The following MICU2 variants were observed in gnomAD, a reference collection of about 807,000 sequenced individuals.
MICU2 encodes calcium uptake protein 2, mitochondrial.
Under a neutral mutation model 60.4 loss-of-function variants are expected in MICU2, and 64 were observed. That is an observed-to-expected ratio of 1.06 (90% CI 0.87 to 1.31). The LOEUF is 1.31. Ranked by LOEUF, MICU2 falls within the 50% of genes most tolerant of loss-of-function variation. MICU2 has a pLI of 0.00. For missense variants in MICU2, 569 were observed against 531.0 expected (o/e 1.07, Z -0.70); for synonymous variants, 201 against 175.0 (o/e 1.15, Z -1.17).
intron 8 of MICU2, among the ~76,000 whole-genome samples, chr13:21,505,523 T>C (rs1348111189): frequency 1.3e-5 from 2 of 152,120 alleles, no homozygotes; most frequent in African/African-American, 4.8e-5. Flanking sequence ...ACACTGTGGT[T>C]TTTACTTAAA....
At chr13:21,563,684 A>C (rs149802491) in intron 2 of MICU2, among the ~76,000 whole-genome samples, 2 of 151,882 alleles carry the variant, frequency 1.3e-5, no homozygotes, top group Non-Finnish European at 2.9e-5. Flanking sequence ...CAGTTTTTGA[A>C]TATTCTGTTT....
intron 1 of MICU2, among the ~76,000 whole-genome samples, chr13:21,582,568 C>T (rs184365993): frequency 1.4e-4 from 22 of 152,224 alleles, no homozygotes; most frequent in African/African-American, 3.4e-4. Flanking sequence ...AGAATATGTA[C>T]GTTCAATTAT....
chr13:21,506,654 T>C (rs1886298354), intron 8 of MICU2, among the ~76,000 whole-genome samples: 1 of 152,210 alleles, frequency 6.6e-6, no homozygotes, highest in Non-Finnish European at 1.5e-5. Flanking sequence ...TTATTGTCAC[T>C]AAAAATTGTA....
At chr13:21,514,279 A>C in intron 7 of MICU2, 74 bp downstream of exon 7, 5 of 1,248,576 alleles carry the variant, frequency 4.0e-6, no homozygotes, top group Non-Finnish European at 4.6e-6. Context: ...ATTGGTAACT[A>C]TCGGGAATAT....
intron 1 of MICU2, among the ~76,000 whole-genome samples, chr13:21,573,367 G>A (rs1888156098): frequency 6.6e-6 from 1 of 151,900 alleles, no homozygotes. Flanking sequence ...TCCGCCTCCT[G>A]GGTTCATGCC....
chr13:21,522,727 C>T (rs1367719243), intron 4 of MICU2, 77 bp from the exon 5 acceptor site: 159 of 1,113,598 alleles, frequency 1.4e-4, no homozygotes, highest in Non-Finnish European at 1.6e-4. Context: ...ATTGAAATTT[C>T]ACCTAATTAA....
chr13:21,501,990 A>T (rs189927839), intron 9 of MICU2, among the ~76,000 whole-genome samples: 237 of 152,336 alleles, frequency 1.6e-3, no homozygotes, highest in Non-Finnish European at 2.2e-3. Context: ...TTGTAACTGC[A>T]GTAAACTTGG....
chr13:21,599,069 T>C (rs945180414), intron 1 of MICU2, among the ~76,000 whole-genome samples: 2 of 152,192 alleles, frequency 1.3e-5, no homozygotes, highest in African/African-American at 4.8e-5. Context: ...TATGAGAATC[T>C]AACTAATGCC....
intron 2 of MICU2, among the ~76,000 whole-genome samples, chr13:21,544,516 G>GAAAAAAAAA (rs10628955): frequency 2.6e-5 from 2 of 77,390 alleles, no homozygotes; most frequent in Admixed American, 1.5e-4. Flanking sequence ...ATAAACACAT[G>GAAAAAAAAA]AAAAAAAAAA....
chr13:21,602,953 A>G, intron 1 of MICU2: 1 of 148,154 alleles, frequency 6.7e-6, no homozygotes, highest in East Asian at 2.0e-4. Flanking sequence ...TTTATCCTGA[A>G]ATAGGGAACT....
At chr13:21,496,015 A>C (rs1885986683) in intron 10 of MICU2, 37 bp downstream of exon 10, 1 of 1,434,050 alleles carries the variant, frequency 7.0e-7, no homozygotes, top group African/African-American at 1.4e-5. Context: ...AACTGTTTAT[A>C]GATGATAAAA....
At chr13:21,508,943 A>G (rs1886361003) in intron 8 of MICU2, among the ~76,000 whole-genome samples, 1 of 152,154 alleles carries the variant, frequency 6.6e-6, no homozygotes, top group African/African-American at 2.4e-5. Context: ...ATGTATTTAA[A>G]TGTTTTTCTG....
chr13:21,522,944 GGT>G (rs929615481), intron 4 of MICU2, among the ~76,000 whole-genome samples: 13 of 152,286 alleles, frequency 8.5e-5, no homozygotes, highest in Non-Finnish European at 1.9e-4. Flanking sequence ...ATCATTTCTG[GGT>G]GTGTCTGTGA....
At chr13:21,543,651 C>A (rs536545807) in intron 2 of MICU2, among the ~76,000 whole-genome samples, 12 of 152,114 alleles carry the variant, frequency 7.9e-5, no homozygotes, top group Middle Eastern at 3.4e-3. Flanking sequence ...AAAACACTGA[C>A]GAAAGAAACC....
chr13:21,587,215 A>C (rs1237137919), intron 1 of MICU2, among the ~76,000 whole-genome samples: 1 of 152,208 alleles, frequency 6.6e-6, no homozygotes, highest in African/African-American at 2.4e-5. Context: ...TCTTTGAGTA[A>C]AATGGGAATC....
intron 7 of MICU2, among the ~76,000 whole-genome samples, chr13:21,514,019 G>A (rs550659342): frequency 6.6e-6 from 1 of 152,124 alleles, no homozygotes; most frequent in South Asian, 2.1e-4. Flanking sequence ...CTGAAGTTAG[G>A]AACATGTAAA....
intron 9 of MICU2, among the ~76,000 whole-genome samples, chr13:21,499,567 C>T (rs754934794): frequency 1.1e-4 from 17 of 151,848 alleles, no homozygotes; most frequent in Non-Finnish European, 2.2e-4. Context: ...CCCGCCACCA[C>T]GCCTGTCTAA....
chr13:21,495,422 A>G, intron 10 of MICU2, 104 bp from the exon 11 acceptor site: 1 of 1,210,560 alleles, frequency 8.3e-7, no homozygotes, highest in African/African-American at 1.5e-5. Context: ...CCAAATTTTT[A>G]TTATTTGGGA....
At chr13:21,510,767 C>T (rs1278344096) in intron 7 of MICU2, among the ~76,000 whole-genome samples, 1 of 150,734 alleles carries the variant, frequency 6.6e-6, no homozygotes, top group Non-Finnish European at 1.5e-5. Flanking sequence ...CCACCCCGAC[C>T]CCGCTTCTCA....
Sources: allele counts gnomAD v4.1 joint callset (sites outside exome capture counted in the v4.1 genomes callset), GRCh38; gene constraint gnomAD v4.1.1; transcripts MANE v1.5; gene names NCBI Gene and HGNC (gene_info 2026-07-23, HGNC 2026-07-21).